FBXO28: variants seen among roughly 807,000 people sequenced by gnomAD.
FBXO28 encodes F-box protein 28.
In FBXO28, 8 loss-of-function variants were observed where a neutral mutation model predicts 38.1. That is an observed-to-expected ratio of 0.21 (90% CI 0.12 to 0.38). The LOEUF is 0.38. Ranked by LOEUF, FBXO28 falls within the 10% of genes least tolerant of loss-of-function variation. FBXO28 has a pLI of 1.00. For synonymous variants in FBXO28, 168 were observed against 173.8 expected (o/e 0.97, Z 0.26); for missense variants, 345 against 460.6 (o/e 0.75, Z 2.30).
intron 3 of FBXO28, among the ~76,000 whole-genome samples, chr1:224,142,139 G>C (rs1014721149): frequency 2.0e-5 from 3 of 149,578 alleles, no homozygotes; most frequent in Non-Finnish European, 4.4e-5. Context: ...ATCACCTGAG[G>C]TCAGGAGTTA....
At position 224,158,013 on chromosome 1, in the gene FBXO28, A is replaced by C. The variant is rs1399035613; in HGVS notation, c.*267A>C. ...GGAGTTAACTTTTTTCTGTGCAGAT[A>C]ATGTTGAAAGTAAGTTAATTTGTTT... is the stretch of plus-strand genomic sequence containing the variant. On this transcript the variant is annotated 3_prime_UTR_variant, in exon 5 of 5. Coordinates refer to ENST00000366862, the MANE Select transcript of FBXO28 (RefSeq NM_015176.4). 2.5e-6 allele frequency: 3 copies of C among 1,204,332 alleles called. No homozygotes were observed. In the East Asian group the frequency reaches 1.2e-4, roughly 47 times the overall value. The allele number at this position is 1,204,332 out of a possible 1,614,324, so 74.6% of individuals were successfully genotyped here.
At chr1:224,133,823 A>C (rs1191368910) in intron 2 of FBXO28, among the ~76,000 whole-genome samples, 1 of 21,926 alleles carries the variant, frequency 4.6e-5, no homozygotes, top group African/African-American at 1.4e-4. Flanking sequence ...AAAAAACCTA[A>C]TTAAAATATA....
At chr1:224,145,728 G>A in intron 3 of FBXO28, among the ~76,000 whole-genome samples, 1 of 152,122 alleles carries the variant, frequency 6.6e-6, no homozygotes, top group East Asian at 1.9e-4. Context: ...TTCGAGACCA[G>A]CCTGGCCAAC....
intron 2 of FBXO28, among the ~76,000 whole-genome samples, chr1:224,133,195 T>G (rs1356275038): frequency 6.6e-6 from 1 of 152,160 alleles, no homozygotes; most frequent in African/African-American, 2.4e-5. Context: ...GAAAGTAGAT[T>G]AGTATTGCCA....
chr1:224,153,314 G>T lies in FBXO28; in HGVS notation c.689G>T (p.Gly230Val). 1 of 1,602,338 alleles carries T rather than the reference G, an allele frequency of 6.2e-7. No individual in the cohort carries two copies. The highest frequency in any genetic ancestry group is 8.5e-7 in the Non-Finnish European group (1 of 1,175,542). ...KRKLPGSDVS[G>V]RLMGSPPVPG... The stretch of plus-strand genomic sequence containing the variant: ...AAATTACCAGGATCAGATGTTTCTG[G>T]AAGACTCATGGGCTCTCCTCCAGGT... The change falls in exon 4 of 5, where the codon GGA becomes GTA. Residue 230 changes from glycine (G) to valine (V), a missense_variant. Around this residue, in one of 6 missense-constraint regions of FBXO28, gnomAD observed 151 missense variants for 188.3 expected, o/e 0.80. Coordinates refer to ENST00000366862, the MANE Select transcript of FBXO28 (RefSeq NM_015176.4).
intron 3 of FBXO28, among the ~76,000 whole-genome samples, chr1:224,136,100 A>ATTTTTTT (rs1558191323): frequency 3.6e-3 from 31 of 8,594 alleles, no homozygotes; most frequent in South Asian, 6.4e-3. Flanking sequence ...TGTTGACTTC[A>ATTTTTTT]GTTTTTTTTT....
At chr1:224,126,833 A>C (rs1356565640) in intron 1 of FBXO28, among the ~76,000 whole-genome samples, 1 of 152,106 alleles carries the variant, frequency 6.6e-6, no homozygotes, top group East Asian at 1.9e-4. Flanking sequence ...AAGTAAAATA[A>C]AATATCAAAT....
intron 3 of FBXO28, among the ~76,000 whole-genome samples, chr1:224,142,440 C>G (rs1181082476): frequency 6.6e-6 from 1 of 151,072 alleles, no homozygotes; most frequent in African/African-American, 2.4e-5. Context: ...CATTTGAGCT[C>G]AGGAGTTCTT....
rs1219417349 is a variant in FBXO28, at chr1:224,161,222, A to G, written c.*3476A>G. ...GATCCGGGAACTCCCTATATTGTCT[A>G]TTTCCAACATTATATAATTTTAATT... On this transcript the variant is annotated 3_prime_UTR_variant, in exon 5 of 5. Coordinates refer to ENST00000366862, the MANE Select transcript of FBXO28 (RefSeq NM_015176.4). 3 of 152,048 alleles carry G rather than the reference A, an allele frequency of 2.0e-5. No individual in the cohort carries two copies. The highest frequency in any genetic ancestry group is 6.6e-5 in the Admixed American group (1 of 15,256). 9.4% of individuals were successfully genotyped at this position (152,048 alleles called of 1,614,324 possible).
chr1:224,117,422 C>A (rs1656668700), intron 1 of FBXO28, among the ~76,000 whole-genome samples: 1 of 151,206 alleles, frequency 6.6e-6, no homozygotes. Context: ...CCCACCTAGG[C>A]CTGAATTTAT....
intron 1 of FBXO28, among the ~76,000 whole-genome samples, chr1:224,119,899 G>A (rs909812805): frequency 1.3e-5 from 2 of 152,192 alleles, no homozygotes; most frequent in Non-Finnish European, 2.9e-5. Flanking sequence ...CTGTCCTCCT[G>A]TCTCCCCAGC....
chr1:224,114,959 A>T (rs1007674503), intron 1 of FBXO28, among the ~76,000 whole-genome samples: 1 of 152,150 alleles, frequency 6.6e-6, no homozygotes, highest in African/African-American at 2.4e-5. Context: ...GAACGTGTTT[A>T]CTTAGCGTTA....
intron 3 of FBXO28, among the ~76,000 whole-genome samples, chr1:224,141,061 T>A (rs10737435): frequency 0.93 from 140,600 of 151,804 alleles, 65,915 homozygotes; most frequent in Non-Finnish European, 1. Flanking sequence ...AAACACCTGT[T>A]GTCCCAGCTA....
chr1:224,150,816 C>T (rs1418214041), intron 3 of FBXO28, among the ~76,000 whole-genome samples: 5 of 152,188 alleles, frequency 3.3e-5, no homozygotes, highest in Non-Finnish European at 5.9e-5. Flanking sequence ...GAAACTGTCA[C>T]ATTACCCTCT....
intron 3 of FBXO28, among the ~76,000 whole-genome samples, chr1:224,147,812 G>A (rs140838532): frequency 1.7e-4 from 19 of 114,904 alleles, no homozygotes; most frequent in Non-Finnish European, 2.2e-4. Context: ...TTACATTCTC[G>A]TTAATGTAAT....
At chr1:224,153,668 C>T (rs1316457723) in intron 4 of FBXO28, among the ~76,000 whole-genome samples, 2 of 152,138 alleles carry the variant, frequency 1.3e-5, no homozygotes, top group Non-Finnish European at 2.9e-5. Flanking sequence ...CACCTGTAAT[C>T]CCAGCACTTT....
chr1:224,132,957 A>G (rs184594811), intron 2 of FBXO28, among the ~76,000 whole-genome samples: 2 of 152,364 alleles, frequency 1.3e-5, no homozygotes, highest in African/African-American at 4.8e-5. Context: ...TTTTAGCAGC[A>G]TTATTCATAA....
intron 3 of FBXO28, among the ~76,000 whole-genome samples, chr1:224,142,106 C>A (rs543979260): frequency 2.4e-4 from 36 of 147,276 alleles, no homozygotes; most frequent in Non-Finnish European, 2.7e-4. Flanking sequence ...AATCCCAGCA[C>A]TTTGGGAGGC....
At chr1:224,114,877 C>G (rs1656610492) in intron 1 of FBXO28, among the ~76,000 whole-genome samples, 1 of 152,230 alleles carries the variant, frequency 6.6e-6, no homozygotes, top group Admixed American at 6.5e-5. Flanking sequence ...CCCAAGTTTT[C>G]TTGTTCGAGA....
Sources: allele counts gnomAD v4.1 joint callset (sites outside exome capture counted in the v4.1 genomes callset), GRCh38; gene constraint gnomAD v4.1.1; regional missense constraint gnomAD v4.1.1; transcripts MANE v1.5; gene names NCBI Gene and HGNC (gene_info 2026-07-23, HGNC 2026-07-21).